The following CPA6 variants were observed in gnomAD, a reference collection of about 807,000 sequenced individuals.
CPA6 encodes carboxypeptidase B.
Under a neutral mutation model 63.3 loss-of-function variants are expected in CPA6, and 58 were observed. That is an observed-to-expected ratio of 0.92 (90% CI 0.74 to 1.14). The LOEUF is 1.14. CPA6 is among the 50% of genes most tolerant of loss of function. CPA6 has a pLI of 0.00. For synonymous variants in CPA6, 185 were observed against 179.0 expected (o/e 1.03, Z -0.27); for missense variants, 565 against 526.6 (o/e 1.07, Z -0.71).
At chr8:67,604,160 G>T (rs11991309) in intron 2 of CPA6, among the ~76,000 whole-genome samples, 2,924 of 152,270 alleles carry the variant, frequency 0.019, 103 homozygotes, top group African/African-American at 0.065. Context: ...TCAAAACACT[G>T]GAGTGAATGA....
chr8:67,477,691 G>A (rs1357624146), intron 8 of CPA6, among the ~76,000 whole-genome samples: 2 of 152,166 alleles, frequency 1.3e-5, no homozygotes, highest in Admixed American at 6.6e-5. Flanking sequence ...TGTTTAGTAC[G>A]CATCAACACG....
At chr8:67,543,022 A>G (rs1386381716) in intron 2 of CPA6, among the ~76,000 whole-genome samples, 1 of 152,176 alleles carries the variant, frequency 6.6e-6, no homozygotes, top group East Asian at 1.9e-4. Context: ...AACTTGACAC[A>G]CCTTTTAAAC....
intron 1 of CPA6, among the ~76,000 whole-genome samples, chr8:67,648,265 T>G (rs1223685846): frequency 1.3e-5 from 2 of 151,342 alleles, no homozygotes; most frequent in East Asian, 3.9e-4. Flanking sequence ...TAGGTTTTTT[T>G]TTTTTTTTTT....
At chr8:67,442,378 A>G (rs1233331426) in intron 8 of CPA6, among the ~76,000 whole-genome samples, 2 of 151,832 alleles carry the variant, frequency 1.3e-5, no homozygotes, top group Non-Finnish European at 2.9e-5. Context: ...ATATAGTGTA[A>G]TGTAATATAA....
In CPA6 at chr8:67,730,275, G is replaced by A. The variant is rs185910885; in HGVS notation, c.116+15739C>T. ...TTGCTAGGATGGCTCACAGAACTTAGGAAAACACTTATGTTTACCCATTTA... is the reference window on the plus strand; with the variant it reads ...TTGCTAGGATGGCTCACAGAACTTAAGAAAACACTTATGTTTACCCATTTA... On this transcript the variant is annotated intron_variant, in intron 1 of 10. Transcript: ENST00000297770. Among the ~76,000 whole-genome samples the A allele has an allele frequency of 3.9e-4, 59 of 152,268 alleles. 1 individual carries two copies. The highest frequency in any genetic ancestry group is 1.4e-3 in the African/African-American group (58 of 41,542).
chr8:67,619,596 A>T (rs1815034756), intron 2 of CPA6, among the ~76,000 whole-genome samples: 2 of 152,166 alleles, frequency 1.3e-5, no homozygotes, highest in African/African-American at 4.8e-5. Flanking sequence ...TGCTCCCCAC[A>T]TTGTTCCTAT....
intron 2 of CPA6, among the ~76,000 whole-genome samples, chr8:67,620,160 A>G (rs1815047046): frequency 1.3e-5 from 2 of 152,166 alleles, no homozygotes; most frequent in African/African-American, 4.8e-5. Flanking sequence ...ACTCTCATGG[A>G]TAGTTCACAA....
intron 2 of CPA6, among the ~76,000 whole-genome samples, chr8:67,618,350 C>A (rs554394056): frequency 3.6e-4 from 55 of 152,260 alleles, no homozygotes; most frequent in African/African-American, 1.3e-3. Flanking sequence ...CCCACAATCA[C>A]AGGTGTTCTA....
chr8:67,568,595 T>A (rs1564004147), intron 2 of CPA6, among the ~76,000 whole-genome samples: 3 of 152,134 alleles, frequency 2.0e-5, no homozygotes, highest in Admixed American at 1.3e-4. Context: ...AGGCAGAACA[T>A]TTTAAACTAC....
chr8:67,448,798 C>T (rs1810492856), intron 8 of CPA6, among the ~76,000 whole-genome samples: 1 of 150,938 alleles, frequency 6.6e-6, no homozygotes, highest in East Asian at 1.9e-4. Context: ...TATTTTTTTC[C>T]ATGGAAGTCT....
chr8:67,625,155 G>A (rs1229392181), intron 1 of CPA6, among the ~76,000 whole-genome samples: 2 of 152,086 alleles, frequency 1.3e-5, no homozygotes, highest in African/African-American at 4.8e-5. Context: ...GTGATCTGGT[G>A]AGTTTCTTTC....
chr8:67,590,202 C>G (rs965259910), intron 2 of CPA6, among the ~76,000 whole-genome samples: 2 of 152,008 alleles, frequency 1.3e-5, no homozygotes, highest in African/African-American at 2.4e-5. Context: ...ATCCATGTCC[C>G]TACAAAGGAC....
intron 2 of CPA6, among the ~76,000 whole-genome samples, chr8:67,593,290 G>C (rs1489449221): frequency 6.7e-5 from 10 of 150,038 alleles, no homozygotes; most frequent in Non-Finnish European, 1.3e-4. Context: ...TTGCTGAGGA[G>C]AGCTTTACTT....
chr8:67,510,756 C>T (rs1448385910), intron 4 of CPA6, among the ~76,000 whole-genome samples: 1 of 152,152 alleles, frequency 6.6e-6, no homozygotes, highest in Non-Finnish European at 1.5e-5. Flanking sequence ...TTGGAGGTCA[C>T]TGTTTGCCTG....
chr8:67,512,031 A>G (rs1427612983), intron 3 of CPA6, among the ~76,000 whole-genome samples: 1 of 152,156 alleles, frequency 6.6e-6, no homozygotes, highest in Admixed American at 6.6e-5. Context: ...TAATAGCCCT[A>G]TAGTCTATGT....
chr8:67,733,993 G>C (rs1817766093), intron 1 of CPA6, among the ~76,000 whole-genome samples: 1 of 151,832 alleles, frequency 6.6e-6, no homozygotes, highest in African/African-American at 2.4e-5. Flanking sequence ...TCCTGCCTTG[G>C]CGTCCCTAGT....
intron 3 of CPA6, among the ~76,000 whole-genome samples, chr8:67,516,812 A>T (rs554795541): frequency 1.3e-5 from 2 of 151,876 alleles, no homozygotes; most frequent in South Asian, 4.2e-4. Context: ...TTTTTGAGAC[A>T]GTGCAGACAG....
Position 67,427,353 on chromosome 8 carries a change from A to T in CPA6, c.1126+694T>A, listed in dbSNP as rs11992679. Among the ~76,000 whole-genome samples, 1,113 of 152,292 alleles carry T rather than the reference A, an allele frequency of 7.3e-3. 14 individuals are homozygous for T. The highest frequency in any genetic ancestry group is 0.024 in the African/African-American group (1,002 of 41,556). On this transcript the variant is annotated intron_variant, in intron 10 of 10. Coordinates refer to ENST00000297770, the MANE Select transcript of CPA6 (RefSeq NM_020361.5). ...ATCGTTCCTTGTCCAAAAAGTATAA[A>T]ATCATCTTGCTTTGGCCACTTCTTT...
intron 1 of CPA6, among the ~76,000 whole-genome samples, chr8:67,649,447 C>G (rs2128991139): frequency 6.6e-6 from 1 of 152,150 alleles, no homozygotes; most frequent in African/African-American, 2.4e-5. Context: ...TTCATTCTTA[C>G]TATTTTTGAG....
Sources: gnomAD v4.1 joint callset for allele counts (sites outside exome capture counted in the v4.1 genomes callset) on GRCh38, gnomAD v4.1.1 for gene constraint, MANE v1.5 for transcripts, NCBI Gene and HGNC (gene_info 2026-07-23, HGNC 2026-07-21) for gene names.